The following IGSF11 variants were observed in gnomAD, a reference collection of about 807,000 sequenced individuals.
IGSF11 encodes the protein immunoglobulin superfamily member 11.
IGSF11 carries 22 observed loss-of-function variants against 41.0 expected under a neutral mutation model. The ratio of observed to expected loss-of-function variants is 0.54; its 90% CI spans 0.38 to 0.77. The LOEUF is 0.77. Ranked by LOEUF, IGSF11 falls within the 30% of genes least tolerant of loss-of-function variation. IGSF11 has a pLI of 0.00. For missense variants in IGSF11, 444 were observed against 530.8 expected (o/e 0.84, Z 1.61); for synonymous variants, 219 against 201.3 (o/e 1.09, Z -0.74).
At chr3:119,073,252 T>C (rs1489696949) in intron 1 of IGSF11, among the ~76,000 whole-genome samples, 1 of 152,152 alleles carries the variant, frequency 6.6e-6, no homozygotes, top group African/African-American at 2.4e-5. Context: ...AGACACAGGG[T>C]GCTGATTGGT....
At chr3:119,123,001 G>T (rs2077353897) in intron 1 of IGSF11, among the ~76,000 whole-genome samples, 1 of 152,160 alleles carries the variant, frequency 6.6e-6, no homozygotes, top group East Asian at 1.9e-4. Flanking sequence ...TGCATCTTAG[G>T]TACTAGCTCA....
chr3:119,105,232 G>T (rs752074106), upstream of IGSF11: 5 of 1,319,600 alleles, frequency 3.8e-6, no homozygotes, highest in Admixed American at 1.8e-5. Flanking sequence ...CAGGGGAAGA[G>T]AGACTTTATG....
chr3:119,118,877 G>A (rs747536420), intron 1 of IGSF11, among the ~76,000 whole-genome samples: 4 of 151,906 alleles, frequency 2.6e-5, no homozygotes, highest in African/African-American at 7.2e-5. Context: ...CTAGGACAGG[G>A]GCAAAATGCC....
At chr3:119,072,896 T>C (rs1274008014) in intron 1 of IGSF11, among the ~76,000 whole-genome samples, 2 of 152,104 alleles carry the variant, frequency 1.3e-5, no homozygotes, top group Admixed American at 6.5e-5. Flanking sequence ...TGCTGATTGG[T>C]CTATTTTACA....
At chr3:119,021,997 G>T (rs1169494389) in intron 1 of IGSF11, among the ~76,000 whole-genome samples, 1 of 152,086 alleles carries the variant, frequency 6.6e-6, no homozygotes, top group Non-Finnish European at 1.5e-5. Flanking sequence ...GAGGGGACAT[G>T]GACTCCTTAA....
intron 1 of IGSF11, among the ~76,000 whole-genome samples, chr3:119,122,492 C>T (rs1451846687): frequency 1.3e-5 from 2 of 152,200 alleles, no homozygotes; most frequent in Admixed American, 6.5e-5. Context: ...ACTGCAACTC[C>T]TAGGTGAGTC....
At chr3:119,111,550 G>C (rs138661272) in intron 1 of IGSF11, among the ~76,000 whole-genome samples, 2,488 of 149,286 alleles carry the variant, frequency 0.017, 83 homozygotes, top group African/African-American at 0.057. Flanking sequence ...CCTCCTGTAG[G>C]TTGGAGTAGT....
chr3:119,143,636 G>C (rs2077678103), intron 1 of IGSF11, among the ~76,000 whole-genome samples: 1 of 152,222 alleles, frequency 6.6e-6, no homozygotes, highest in African/African-American at 2.4e-5. Flanking sequence ...TTTAAATGTA[G>C]ATGGATTAAA....
chr3:118,993,142 C>T (rs904077705), intron 1 of IGSF11, among the ~76,000 whole-genome samples: 33 of 152,130 alleles, frequency 2.2e-4, no homozygotes, highest in African/African-American at 7.5e-4. Flanking sequence ...GTGGGAGGAT[C>T]ATTTGAGCCC....
intron 3 of IGSF11, among the ~76,000 whole-genome samples, chr3:118,926,601 T>C (rs1942338187): frequency 2.0e-5 from 3 of 152,172 alleles, no homozygotes; most frequent in African/African-American, 7.2e-5. Flanking sequence ...TTTAAAAACA[T>C]TGCTGAAAGA....
At chr3:119,062,842 C>T (rs751579505) in intron 1 of IGSF11, among the ~76,000 whole-genome samples, 1 of 152,112 alleles carries the variant, frequency 6.6e-6, no homozygotes, top group African/African-American at 2.4e-5. Flanking sequence ...GGAACCCACC[C>T]TCTGCTTCTC....
At chr3:118,969,158 A>G (rs1933073211) in intron 1 of IGSF11, among the ~76,000 whole-genome samples, 1 of 152,164 alleles carries the variant, frequency 6.6e-6, no homozygotes, top group Non-Finnish European at 1.5e-5. Context: ...AAAACCAAGA[A>G]ACAAAAAGCA....
At chr3:118,935,012 T>C (rs1183659425) in intron 1 of IGSF11, among the ~76,000 whole-genome samples, 1 of 151,958 alleles carries the variant, frequency 6.6e-6, no homozygotes, top group Non-Finnish European at 1.5e-5. Flanking sequence ...AAGTGATACC[T>C]TCTCACAAGA....
chr3:119,079,645 A>G (rs141285714), intron 1 of IGSF11, among the ~76,000 whole-genome samples: 82 of 152,344 alleles, frequency 5.4e-4, no homozygotes, highest in African/African-American at 1.8e-3. Flanking sequence ...ATGCCCATCA[A>G]TGGTGGGCTG....
chr3:119,014,565 C>A (rs1938484101), intron 1 of IGSF11, among the ~76,000 whole-genome samples: 1 of 152,134 alleles, frequency 6.6e-6, no homozygotes, highest in Non-Finnish European at 1.5e-5. Flanking sequence ...TTGAATAAGA[C>A]AGAAAAAGTA....
intron 1 of IGSF11, among the ~76,000 whole-genome samples, chr3:119,138,092 C>G (rs1039759561): frequency 2.0e-5 from 3 of 151,304 alleles, no homozygotes; most frequent in Non-Finnish European, 2.9e-5. Flanking sequence ...AGAAAAGAAC[C>G]CTTGTAGACT....
At chr3:119,032,853 G>C (rs549279189) in intron 1 of IGSF11, among the ~76,000 whole-genome samples, 9 of 152,142 alleles carry the variant, frequency 5.9e-5, no homozygotes, top group African/African-American at 2.2e-4. Flanking sequence ...ACTCACACGC[G>C]TCTTTGTATT....
chr3:118,929,798 A>G (rs1942683816), intron 2 of IGSF11, among the ~76,000 whole-genome samples: 1 of 152,252 alleles, frequency 6.6e-6, no homozygotes, highest in East Asian at 1.9e-4. Flanking sequence ...TTTTAAAAGT[A>G]TGCTCTCAAC....
intron 1 of IGSF11, among the ~76,000 whole-genome samples, chr3:118,961,272 G>A (rs1008372366): frequency 2.0e-5 from 3 of 152,174 alleles, no homozygotes; most frequent in Non-Finnish European, 4.4e-5. Context: ...CACTGTGGTC[G>A]TAGACAGTTG....
Sources: gnomAD v4.1 joint callset for allele counts (sites outside exome capture counted in the v4.1 genomes callset) on GRCh38, gnomAD v4.1.1 for gene constraint, MANE v1.5 for transcripts, NCBI Gene and HGNC (gene_info 2026-07-23, HGNC 2026-07-21) for gene names.